The following UNC5C variants were observed in gnomAD, a reference collection of about 807,000 sequenced individuals.
The protein encoded by UNC5C is netrin receptor UNC5C.
UNC5C carries 47 observed loss-of-function variants against 99.8 expected under a neutral mutation model. The ratio of observed to expected loss-of-function variants is 0.47; its 90% CI spans 0.37 to 0.60. The LOEUF (loss-of-function observed/expected upper bound fraction) is 0.60, where lower values mean the gene tolerates loss of function less well. Among genes scored for constraint, UNC5C ranks in the 20% least tolerant of loss-of-function variants. The pLI is 0.00. For missense variants in UNC5C, 1,062 were observed against 1,165.9 expected (o/e 0.91, Z 1.30); for synonymous variants, 487 against 452.2 (o/e 1.08, Z -0.98).
intron 2 of UNC5C, among the ~76,000 whole-genome samples, chr4:95,325,370 A>T (rs1454762369): frequency 6.6e-6 from 1 of 151,380 alleles, no homozygotes; most frequent in Non-Finnish European, 1.5e-5. Flanking sequence ...GTGGCTATTT[A>T]GATAATCAAA....
At position 95,163,425 on chromosome 4, in the gene UNC5C, A is replaced by G. The variant is rs961987239; in HGVS notation, c.*5809T>C. On this transcript the variant is annotated 3_prime_UTR_variant, in exon 16 of 16. Coordinates refer to ENST00000453304, the MANE Select transcript of UNC5C (RefSeq NM_003728.4). ...CCATAGTGCTCAGGATCAGAGGCCA[A>G]AAGAGAGCCCATCAATCCTTAGGCT... 1.3e-5 allele frequency: 2 copies of G among 152,154 alleles called. No individual in the cohort carries two copies. Among genetic ancestry groups the G allele is most frequent in the Non-Finnish European group, 2.9e-5 (2 of 68,046 alleles). The allele number at this position is 152,154 out of a possible 1,614,324, so 9.4% of individuals were successfully genotyped here.
chr4:95,448,236 G>GAGAGAGAGAGAGAGAC (rs1553973937), intron 1 of UNC5C, among the ~76,000 whole-genome samples: 121 of 145,958 alleles, frequency 8.3e-4, no homozygotes, highest in Non-Finnish European at 1.6e-3. Flanking sequence ...GTGAGAGAGA[G>GAGAGAGAGAGAGAGAC]AGAGAGAGAG....
At chr4:95,386,372 C>A (rs574932261) in intron 1 of UNC5C, among the ~76,000 whole-genome samples, 1 of 152,266 alleles carries the variant, frequency 6.6e-6, no homozygotes, top group African/African-American at 2.4e-5. Context: ...TCCCCCATCC[C>A]CCTACCCCAC....
chr4:95,271,371 G>C (rs904152150), intron 4 of UNC5C, among the ~76,000 whole-genome samples: 6 of 151,800 alleles, frequency 4.0e-5, no homozygotes, highest in African/African-American at 1.5e-4. Flanking sequence ...GGGACTACAG[G>C]CGCCCGCCAC....
rs1437332225 is a variant in UNC5C, at chr4:95,238,657, C to T, written c.1108+3772G>A. ...ACCTGAAAATCTTTTAAATTTTGTT[C>T]TTTTATTCAGTAAATGTTGGATTTT... On this transcript the variant is annotated intron_variant, in intron 7 of 15. Transcript: ENST00000453304. Among the ~76,000 whole-genome samples the T allele has an allele frequency of 4.6e-5, 7 of 151,972 alleles. No homozygotes were observed. The East Asian group carries it at 1.4e-3, about 29-fold the overall frequency.
At chr4:95,362,086 C>CAT (rs1313751577) in intron 1 of UNC5C, among the ~76,000 whole-genome samples, 5 of 152,058 alleles carry the variant, frequency 3.3e-5, no homozygotes, top group Admixed American at 6.6e-5. Context: ...TGTCAAGTCA[C>CAT]ATGTCTTCTC....
intron 3 of UNC5C, among the ~76,000 whole-genome samples, chr4:95,289,245 A>C (rs747552206): frequency 1.3e-5 from 2 of 152,170 alleles, no homozygotes; most frequent in Admixed American, 6.6e-5. Context: ...GTGTTCACAG[A>C]GTTGATGGTT....
intron 12 of UNC5C, among the ~76,000 whole-genome samples, chr4:95,190,726 A>G (rs527642196): frequency 2.6e-5 from 4 of 152,230 alleles, no homozygotes; most frequent in Non-Finnish European, 5.9e-5. Flanking sequence ...TACACACGCG[A>G]ACCATCAGTC....
chr4:95,360,170 G>A (rs934358104), intron 1 of UNC5C, among the ~76,000 whole-genome samples: 14 of 152,140 alleles, frequency 9.2e-5, no homozygotes, highest in East Asian at 1.9e-4. Flanking sequence ...TCAACAATAC[G>A]TTTATACATG....
intron 7 of UNC5C, among the ~76,000 whole-genome samples, chr4:95,232,290 T>C (rs1738943054): frequency 6.6e-6 from 1 of 150,870 alleles, no homozygotes; most frequent in South Asian, 2.1e-4. Flanking sequence ...ATATGTTTTA[T>C]ATAAGTGTTA....
intron 1 of UNC5C, among the ~76,000 whole-genome samples, chr4:95,460,789 G>A (rs1428179888): frequency 6.6e-6 from 1 of 152,072 alleles, no homozygotes; most frequent in African/African-American, 2.4e-5. Context: ...AATCCCTTTT[G>A]ACAAACAATG....
intron 1 of UNC5C, among the ~76,000 whole-genome samples, chr4:95,399,458 A>C (rs1304335916): frequency 6.6e-6 from 1 of 152,208 alleles, no homozygotes; most frequent in Non-Finnish European, 1.5e-5. Context: ...AGTCCCTTGC[A>C]TAAAACTCTT....
chr4:95,272,776 C>T (rs1024311114), intron 4 of UNC5C, among the ~76,000 whole-genome samples: 6 of 152,212 alleles, frequency 3.9e-5, no homozygotes, highest in African/African-American at 1.4e-4. Flanking sequence ...AAAGCAACAT[C>T]TCCCTCCAAA....
Position 95,245,032 on chromosome 4 carries a change from A to G in UNC5C, c.888T>C (p.Gly296=). Residue 296 remains glycine, a synonymous_variant, in exon 6 of 16, where the codon GGT becomes GGC. Coordinates refer to ENST00000453304, the MANE Select transcript of UNC5C (RefSeq NM_003728.4). ...GCACACTCTGCCCTTCACAGAAGGCACCCCCATTGAGTGGTGCCGGGTTGG... is the reference window on the plus strand; with the variant it reads ...GCACACTCTGCCCTTCACAGAAGGCGCCCCCATTGAGTGGTGCCGGGTTGG... ...TCTNPAPLNG[G]AFCEGQSVQK... 6.2e-7 allele frequency: 1 copy of G among 1,613,840 alleles called. No homozygotes were observed. Among genetic ancestry groups the G allele is most frequent in the Non-Finnish European group, 8.5e-7 (1 of 1,179,946 alleles).
At chr4:95,229,618 T>G (rs1021243990) in intron 7 of UNC5C, among the ~76,000 whole-genome samples, 2 of 152,106 alleles carry the variant, frequency 1.3e-5, no homozygotes, top group African/African-American at 4.8e-5. Flanking sequence ...AGTAGAACGA[T>G]TTATAATCCT....
chr4:95,281,859 T>G (rs753690993), intron 3 of UNC5C, among the ~76,000 whole-genome samples: 1 of 152,216 alleles, frequency 6.6e-6, no homozygotes, highest in Non-Finnish European at 1.5e-5. Flanking sequence ...ACTGGGTAAT[T>G]CTTTGCGGTA....
chr4:95,547,292 C>T (rs996732329), intron 1 of UNC5C, among the ~76,000 whole-genome samples: 4 of 152,004 alleles, frequency 2.6e-5, no homozygotes, highest in African/African-American at 7.2e-5. Context: ...AATTTACTTC[C>T]GAAGAAGCTA....
At chr4:95,239,591 A>G (rs556504603) in intron 7 of UNC5C, among the ~76,000 whole-genome samples, 114 of 152,152 alleles carry the variant, frequency 7.5e-4, no homozygotes, top group Non-Finnish European at 1.3e-3. Context: ...TTACCTCTCT[A>G]GCTTGGAGTT....
At position 95,474,580 on chromosome 4, in the gene UNC5C, G is replaced by A. The variant is rs775895476; in HGVS notation, c.124+74154C>T. ...TAGGATTACAGGTGTGAGCCACTGT[G>A]CCTCGCCTATGGTACATATAATTTT... On this transcript the variant is annotated intron_variant, in intron 1 of 15. Transcript: ENST00000453304. Among the ~76,000 whole-genome samples the A allele has an allele frequency of 4.5e-4, 69 of 152,202 alleles. 1 individual carries two copies. The highest frequency in any genetic ancestry group is 4.6e-4 in the Non-Finnish European group (31 of 68,018).
Sources: gnomAD v4.1 joint callset for allele counts (sites outside exome capture counted in the v4.1 genomes callset) on GRCh38, gnomAD v4.1.1 for gene constraint, MANE v1.5 for transcripts, NCBI Gene and HGNC (gene_info 2026-07-23, HGNC 2026-07-21) for gene names.